The following CNOT4 variants were observed in gnomAD, a reference collection of about 807,000 sequenced individuals.
CNOT4 encodes the protein CCR4-NOT transcription complex subunit 4.
Under a neutral mutation model 73.8 loss-of-function variants are expected in CNOT4, and 8 were observed. The ratio of observed to expected loss-of-function variants is 0.11; its 90% CI spans 0.06 to 0.20. CNOT4 has a LOEUF of 0.20. Among genes scored for constraint, CNOT4 ranks in the 10% least tolerant of loss-of-function variants. The pLI, the probability that CNOT4 is intolerant of heterozygous loss-of-function variation, is 1.00. For missense variants in CNOT4, 564 were observed against 883.4 expected (o/e 0.64, Z 4.58); for synonymous variants, 293 against 321.1 (o/e 0.91, Z 0.94).
At chr7:135,380,619 G>T (rs1193589615) in intron 10 of CNOT4, among the ~76,000 whole-genome samples, 3 of 152,176 alleles carry the variant, frequency 2.0e-5, no homozygotes, top group Non-Finnish European at 4.4e-5. Flanking sequence ...CCCTTGACTT[G>T]AGAGACCTAC....
chr7:135,448,082 G>C (rs533171048), intron 1 of CNOT4, among the ~76,000 whole-genome samples: 11 of 152,034 alleles, frequency 7.2e-5, no homozygotes, highest in Non-Finnish European at 1.3e-4. Flanking sequence ...ACACTGCAAG[G>C]GGGGAAACAG....
At chr7:135,374,463 A>G (rs1313221645) in intron 10 of CNOT4, among the ~76,000 whole-genome samples, 1 of 152,158 alleles carries the variant, frequency 6.6e-6, no homozygotes, top group Non-Finnish European at 1.5e-5. Context: ...ATGAATCTAC[A>G]CAGAACTTGA....
intron 1 of CNOT4, among the ~76,000 whole-genome samples, chr7:135,450,171 C>T (rs1800074848): frequency 6.6e-6 from 1 of 151,952 alleles, no homozygotes; most frequent in African/African-American, 2.4e-5. Context: ...CATAGTAAGA[C>T]CCTGACTCAA....
intron 4 of CNOT4, among the ~76,000 whole-genome samples, chr7:135,414,825 C>G (rs572069431): frequency 6.6e-6 from 1 of 152,000 alleles, no homozygotes; most frequent in Non-Finnish European, 1.5e-5. Flanking sequence ...TATCTGATAA[C>G]AGCAGCATAA....
chr7:135,418,967 T>TA (rs1798024550), intron 3 of CNOT4, among the ~76,000 whole-genome samples: 2 of 152,332 alleles, frequency 1.3e-5, no homozygotes, highest in African/African-American at 4.8e-5. Context: ...TCTGGCTTGC[T>TA]AACTACTTCC....
rs549978801 is a variant in CNOT4, at chr7:135,417,686, A to C, written c.373-2424T>G. 2.0e-5 allele frequency among the ~76,000 whole-genome samples: 3 copies of C among 152,286 alleles called. No homozygotes were observed. In the South Asian group the frequency reaches 6.2e-4, roughly 32 times the overall value. ...CACTCTGTTCTTAAGAACATTCAAA[A>C]GTTTTCCACTGCCTTTAGGATAAAG... On this transcript the variant is annotated intron_variant, in intron 3 of 11. Transcript: ENST00000541284.
intron 1 of CNOT4, among the ~76,000 whole-genome samples, chr7:135,477,570 T>C (rs1432309204): frequency 6.6e-6 from 1 of 152,194 alleles, no homozygotes; most frequent in African/African-American, 2.4e-5. Context: ...AATGAGTACA[T>C]TGTTCTGAAC....
chr7:135,488,315 G>A (rs547437646), intron 1 of CNOT4, among the ~76,000 whole-genome samples: 2 of 152,232 alleles, frequency 1.3e-5, no homozygotes, highest in Admixed American at 6.5e-5. Flanking sequence ...TGAATGGTAC[G>A]ATTCTCAGCC....
rs189434959 is a variant in CNOT4, at chr7:135,447,862, G to A, written c.-92-9439C>T. On this transcript the variant is annotated intron_variant, in intron 1 of 11. Coordinates refer to ENST00000541284, the MANE Select transcript of CNOT4 (RefSeq NM_001190850.2). ...TGTACATGCAGTGACCTCGAGAGTC[G>A]TATGGATCTGGCTAAGAAGCAATTT... Among the ~76,000 whole-genome samples, 10 of 152,330 alleles carry A rather than the reference G, an allele frequency of 6.6e-5. No homozygotes were observed. The East Asian group carries it at 1.9e-3, about 29-fold the overall frequency.
At position 135,426,048 on chromosome 7, in the gene CNOT4, C is replaced by CA. The variant is rs1386611014; in HGVS notation, c.175-3696dup. 4.0e-5 allele frequency among the ~76,000 whole-genome samples: 6 copies of CA among 151,354 alleles called. No homozygotes were observed. In the East Asian group the frequency reaches 1.2e-3, roughly 29 times the overall value. On this transcript the variant is annotated intron_variant, in intron 2 of 11. Coordinates refer to ENST00000541284, the MANE Select transcript of CNOT4 (RefSeq NM_001190850.2). ...CAACACAGTGAGACCCCCATCTCTA[C>CA]AAAAAATAAAAAAAAATTATCCAGG... is the stretch of plus-strand genomic sequence containing the variant.
At chr7:135,494,878 C>A (rs747391632) in intron 1 of CNOT4, among the ~76,000 whole-genome samples, 19 of 152,150 alleles carry the variant, frequency 1.2e-4, no homozygotes, top group Non-Finnish European at 2.5e-4. Context: ...TTATTAAATT[C>A]TTTTCTTCTT....
chr7:135,411,750 T>C (rs1369097332), intron 6 of CNOT4, among the ~76,000 whole-genome samples: 2 of 151,900 alleles, frequency 1.3e-5, no homozygotes, highest in Non-Finnish European at 2.9e-5. Flanking sequence ...ACGGAACAAA[T>C]CAAAACAATA....
intron 2 of CNOT4, among the ~76,000 whole-genome samples, chr7:135,436,764 G>T (rs1002543623): frequency 1.3e-5 from 2 of 151,430 alleles, no homozygotes; most frequent in African/African-American, 4.8e-5. Flanking sequence ...ATATCCACTG[G>T]ATTAATTTTA....
At chr7:135,462,024 G>T (rs780759358) in intron 1 of CNOT4, among the ~76,000 whole-genome samples, 1 of 151,180 alleles carries the variant, frequency 6.6e-6, no homozygotes, top group East Asian at 1.9e-4. Context: ...AAGAATATCC[G>T]TCTTAAGAGT....
intron 2 of CNOT4, among the ~76,000 whole-genome samples, chr7:135,426,330 C>G (rs142472858): frequency 6.6e-6 from 1 of 152,094 alleles, no homozygotes; most frequent in Non-Finnish European, 1.5e-5. Flanking sequence ...AGGCTGGGCA[C>G]GGTGGCTCAC....
intron 10 of CNOT4, among the ~76,000 whole-genome samples, chr7:135,376,114 C>A (rs1229213090): frequency 6.6e-6 from 1 of 151,548 alleles, no homozygotes; most frequent in Non-Finnish European, 1.5e-5. Flanking sequence ...CACCACAATG[C>A]CAGAAAAGAA....
At chr7:135,464,596 C>T (rs112480814) in intron 1 of CNOT4, among the ~76,000 whole-genome samples, 3,042 of 151,934 alleles carry the variant, frequency 0.02, 109 homozygotes, top group African/African-American at 0.07. Flanking sequence ...GGGTACTGGG[C>T]TTAATATCTG....
intron 10 of CNOT4, among the ~76,000 whole-genome samples, chr7:135,383,642 G>T (rs967880451): frequency 6.6e-6 from 1 of 152,142 alleles, no homozygotes; most frequent in African/African-American, 2.4e-5. Context: ...TATATAGACG[G>T]TTACAAAAGA....
At chr7:135,365,334 A>C (rs1363947309) in intron 10 of CNOT4, among the ~76,000 whole-genome samples, 1 of 152,208 alleles carries the variant, frequency 6.6e-6, no homozygotes, top group Admixed American at 6.6e-5. Flanking sequence ...AGAAGGGAAA[A>C]TAAATTCTCC....
Sources: allele counts gnomAD v4.1 joint callset (sites outside exome capture counted in the v4.1 genomes callset), GRCh38; gene constraint gnomAD v4.1.1; transcripts MANE v1.5; gene names NCBI Gene and HGNC (gene_info 2026-07-23, HGNC 2026-07-21).